The following PASK variants were observed in gnomAD, a reference collection of about 807,000 sequenced individuals.
PASK encodes PAS domain containing serine/threonine kinase.
In PASK, 110 loss-of-function variants were observed where a neutral mutation model predicts 121.0. The ratio of observed to expected loss-of-function variants is 0.91; its 90% CI spans 0.78 to 1.06. The LOEUF (loss-of-function observed/expected upper bound fraction) is 1.06. Ranked by LOEUF, PASK falls within the 50% of genes least tolerant of loss-of-function variation. PASK has a pLI of 0.00. For missense variants in PASK, 1,643 were observed against 1,702.3 expected (o/e 0.97, Z 0.61); for synonymous variants, 686 against 717.8 (o/e 0.96, Z 0.71).
chr2:241,117,086 G>A (rs750870091), intron 12 of PASK, among the ~76,000 whole-genome samples: 17 of 151,622 alleles, frequency 1.1e-4, no homozygotes, highest in Non-Finnish European at 2.4e-4. Context: ...GAGGCGGGGG[G>A]CTGGGCAGGC....
intron 11 of PASK, among the ~76,000 whole-genome samples, chr2:241,123,430 G>C (rs1239973974): frequency 6.6e-6 from 1 of 151,882 alleles, no homozygotes; most frequent in African/African-American, 2.4e-5. Context: ...CACCCGCCTT[G>C]GCCTCCCAAA....
chr2:241,128,538 G>GA (rs1335411449), intron 9 of PASK, among the ~76,000 whole-genome samples: 1 of 152,140 alleles, frequency 6.6e-6, no homozygotes, highest in Non-Finnish European at 1.5e-5. Flanking sequence ...CTCACTCGGG[G>GA]ACAGACACAC....
At chr2:241,144,916 T>A (rs1476257239) in intron 1 of PASK, among the ~76,000 whole-genome samples, 1 of 152,164 alleles carries the variant, frequency 6.6e-6, no homozygotes, top group African/African-American at 2.4e-5. Flanking sequence ...TCCCTGTTTG[T>A]TTGTTTCTTT....
upstream of PASK, chr2:241,149,672 G>T: frequency 6.5e-7 from 1 of 1,546,794 alleles, no homozygotes; most frequent in Middle Eastern, 1.7e-4. Flanking sequence ...CCCGGGCCGG[G>T]CAGATGCGGT....
At position 241,135,901 on chromosome 2, in the gene PASK, GCCACGGGT is replaced by G. The variant is rs764335487; in HGVS notation, c.1268_1275del (p.Asp423AlafsTer7). On this transcript the variant is annotated frameshift_variant, in exon 8 of 18. Coordinates refer to ENST00000234040, the MANE Select transcript of PASK (RefSeq NM_015148.4). LOFTEE classifies it high-confidence loss of function. ...CCCCCCTCAGCTGGGTCCTGGCCCT[GCCACGGGT>G]CCAAGGTTCTCTCCCCACACCCACT... The G allele has an allele frequency of 5.0e-6, 8 of 1,614,110 alleles. No individual in the cohort carries two copies. Among genetic ancestry groups the G allele is most frequent in the African/African-American group, 1.3e-5 (1 of 75,030 alleles).
intron 2 of PASK, 57 bp downstream of exon 2, chr2:241,142,780 G>C: frequency 7.8e-7 from 1 of 1,279,126 alleles, no homozygotes; most frequent in Non-Finnish European, 1.1e-6. Flanking sequence ...AGAACACAGA[G>C]CAACTCCACA....
Position 241,126,743 on chromosome 2 carries a change from C to G in PASK, c.2172G>C (p.Gly724=). ...ACYALATDLP[G]GLEAVEAQEV... ...CCTGGGCCTCCACTGCTTCCAGGCCCCCAGGGAGGTCCGTGGCCAAGGCAT... is the reference window on the plus strand; with the variant it reads ...CCTGGGCCTCCACTGCTTCCAGGCCGCCAGGGAGGTCCGTGGCCAAGGCAT... The change falls in exon 10 of 18, where the codon GGG becomes GGC. Residue 724 remains glycine (G), a synonymous_variant. Coordinates refer to ENST00000234040, the MANE Select transcript of PASK (RefSeq NM_015148.4). The G allele has an allele frequency of 3.1e-6, 5 of 1,614,104 alleles. No individual in the cohort carries two copies. The highest frequency in any genetic ancestry group is 4.2e-6 in the Non-Finnish European group (5 of 1,180,030).
rs758247310 is a variant in PASK at position 241,122,825 on chromosome 2, G to A, written c.2979C>T (p.Gly993=). 71 of 1,614,040 alleles carry A rather than the reference G, an allele frequency of 4.4e-5. 1 individual carries two copies. In the East Asian group the frequency reaches 1.2e-3, roughly 28 times the overall value. Residue 993 remains glycine, a synonymous_variant, in exon 12 of 18, where the codon GGC becomes GGT. Coordinates refer to ENST00000234040, the MANE Select transcript of PASK (RefSeq NM_015148.4). ...VELEGLAACE[G]EYSQKYSTMS... is the part of the protein sequence containing the mutation. The stretch of plus-strand genomic sequence containing the variant: ...TGGTACTGTACTTTTGGGAGTACTC[G>A]CCCTCACAGGCCGCCAACCCCTCCA...
At chr2:241,144,890 G>A (rs2066884182) in intron 1 of PASK, among the ~76,000 whole-genome samples, 1 of 152,098 alleles carries the variant, frequency 6.6e-6, no homozygotes, top group Non-Finnish European at 1.5e-5. Flanking sequence ...CTCCGCCTTC[G>A]CCATCACAGA....
upstream of PASK, chr2:241,150,038 G>C: frequency 7.3e-7 from 1 of 1,371,998 alleles, no homozygotes; most frequent in East Asian, 2.9e-5. Context: ...AGCCAGCGAG[G>C]CTCGCAGAGG....
At chr2:241,136,131 G>A (rs2066416191) in intron 7 of PASK, 92 bp from the exon 8 acceptor site, 2 of 1,140,910 alleles carry the variant, frequency 1.8e-6, no homozygotes, top group Admixed American at 3.4e-5. Context: ...CACAAGGAGA[G>A]CCAGTCCCTG....
At chr2:241,113,707 C>T in intron 14 of PASK, 1 of 985,354 alleles carries the variant, frequency 1.0e-6, no homozygotes, top group Non-Finnish European at 1.2e-6. Flanking sequence ...TAAAGAGCGA[C>T]TTGAAGAAAG....
chr2:241,122,947 C>T lies in PASK; in HGVS notation c.2905-48G>A, dbSNP rs185677823. ...TGGGGTCACATGCAACTGCACCGGG[C>T]AGAGGTGCAGCACCCACAGTGGTCC... On this transcript the variant is annotated intron_variant, in intron 11 of 17. Coordinates refer to ENST00000234040, the MANE Select transcript of PASK (RefSeq NM_015148.4). The T allele has an allele frequency of 2.0e-4, 319 of 1,581,456 alleles. 1 individual carries two copies. The African/African-American group carries it at 3.7e-3, about 18-fold the overall frequency.
intron 8 of PASK, 59 bp downstream of exon 8, chr2:241,135,812 A>T: frequency 6.7e-7 from 1 of 1,500,320 alleles, no homozygotes; most frequent in Non-Finnish European, 9.3e-7. Flanking sequence ...TCTCAGAGGC[A>T]TGGGGCTGTC....
In PASK at chr2:241,126,540, A is replaced by G. The variant is rs2065872562; in HGVS notation, c.2375T>C (p.Leu792Pro). The G allele has an allele frequency of 8.1e-6, 13 of 1,614,252 alleles. No individual in the cohort carries two copies. The highest frequency in any genetic ancestry group is 1.1e-5 in the Non-Finnish European group (13 of 1,180,028). ...GSLQEQGSCV[L>P]DDRELLLLTG... ...CAGTAGTAACAGCTCCCTGTCATCCAGGACACACGACCCCTGTTCCTGGAG... is the reference window on the plus strand; with the variant it reads ...CAGTAGTAACAGCTCCCTGTCATCCGGGACACACGACCCCTGTTCCTGGAG... The change falls in exon 10 of 18, where the codon CTG becomes CCG. Residue 792 changes from leucine (L) to proline (P), a missense_variant. Physicochemically the swap from Leu to Pro is moderately conservative, Grantham distance 98. This residue lies in a region of PASK where 1,176 missense variants were observed against 1,162.2 expected (regional missense o/e 1.01). Transcript: ENST00000234040.
Position 241,106,486 on chromosome 2 carries a change from G to T in PASK, c.*80C>A. 1.4e-6 allele frequency: 2 copies of T among 1,442,362 alleles called. No individual in the cohort carries two copies. Among genetic ancestry groups the T allele is most frequent in the Non-Finnish European group, 9.8e-7 (1 of 1,024,590 alleles). 89.3% of individuals were successfully genotyped at this position (1,442,362 alleles called of 1,614,324 possible). Reference sequence around the variant, plus strand: ...AGGTGAATTGGGGATGCTTCAGAATGTATTTTCTCCAAACAGATGGAGCCT... The same window carrying T: ...AGGTGAATTGGGGATGCTTCAGAATTTATTTTCTCCAAACAGATGGAGCCT... On this transcript the variant is annotated 3_prime_UTR_variant, in exon 18 of 18. Transcript: ENST00000234040.
Position 241,127,343 on chromosome 2 carries a change from G to T in PASK, c.1572C>A (p.Ser524Arg). 1 of 1,614,140 alleles carries T rather than the reference G, an allele frequency of 6.2e-7. No individual in the cohort carries two copies. Among genetic ancestry groups the T allele is most frequent in the Non-Finnish European group, 8.5e-7 (1 of 1,179,982 alleles). ...TTTCTCCCAGAAGATCCTGTCCGGGGCTCTCTATTGCCACAGGTTCCTCTC... is the reference window on the plus strand; with the variant it reads ...TTTCTCCCAGAAGATCCTGTCCGGGTCTCTCTATTGCCACAGGTTCCTCTC... ...LGREEPVAIE[S>R]PGQDLLGESR... The change falls in exon 10 of 18, where the codon AGC becomes AGA. Residue 524 changes from serine to arginine, a missense_variant. Transcript: ENST00000234040.
At chr2:241,123,883 C>G in intron 11 of PASK, 66 bp downstream of exon 11, 1 of 1,332,294 alleles carries the variant, frequency 7.5e-7, no homozygotes, top group Non-Finnish European at 1.1e-6. Flanking sequence ...GAGAGAGATG[C>G]CAACTAGGAT....
chr2:241,118,098 T>C (rs562279712), intron 12 of PASK, among the ~76,000 whole-genome samples: 42 of 152,230 alleles, frequency 2.8e-4, no homozygotes, highest in African/African-American at 9.9e-4. Flanking sequence ...GAGCTACAGA[T>C]TCAATGTGAT....
Sources: gnomAD v4.1 joint callset for allele counts (sites outside exome capture counted in the v4.1 genomes callset) on GRCh38, gnomAD v4.1.1 for gene constraint, gnomAD v4.1.1 regional missense constraint, MANE v1.5 for transcripts, NCBI Gene and HGNC (gene_info 2026-07-23, HGNC 2026-07-21) for gene names.